The following RORA variants were observed in gnomAD, a reference collection of about 807,000 sequenced individuals.
RORA encodes the protein nuclear receptor ROR-alpha.
In RORA, 7 loss-of-function variants were observed where a neutral mutation model predicts 69.5. The observed-to-expected ratio is 0.10, with a 90% CI of 0.06 to 0.19. RORA has a LOEUF of 0.19. RORA is among the 10% of genes least tolerant of loss of function. The probability of loss-of-function intolerance (pLI) is 1.00; values close to 1 mark genes in which losing one functional copy is unlikely to be tolerated. For missense variants in RORA, 457 were observed against 663.0 expected, an observed-to-expected ratio of 0.69 and a Z score of 3.41; for synonymous variants, 261 against 240.8, an observed-to-expected ratio of 1.08 and a Z score of -0.78.
At chr15:60,509,256 A>G (rs761566192) in intron 5 of RORA, among the ~76,000 whole-genome samples, 10 of 152,238 alleles carry the variant, frequency 6.6e-5, no homozygotes, top group Non-Finnish European at 1.3e-4. Context: ...TTAGAGCCCA[A>G]TTATATACTT....
intron 1 of RORA, among the ~76,000 whole-genome samples, chr15:60,993,263 C>G (rs1330655816): frequency 6.6e-6 from 1 of 152,198 alleles, no homozygotes; most frequent in Non-Finnish European, 1.5e-5. Context: ...TGGGATCTCA[C>G]TGACCTTCAT....
chr15:60,891,731 C>T (rs1324326604), intron 1 of RORA, among the ~76,000 whole-genome samples: 1 of 152,218 alleles, frequency 6.6e-6, no homozygotes, highest in East Asian at 1.9e-4. Flanking sequence ...CTTTACTCCA[C>T]CAAATTATAA....
At chr15:61,132,280 GT>G (rs147318407) in intron 1 of RORA, among the ~76,000 whole-genome samples, 78 of 148,982 alleles carry the variant, frequency 5.2e-4, no homozygotes, top group Admixed American at 1.4e-3. Flanking sequence ...AAATTATTAG[GT>G]TTTTTTTTTA....
At chr15:60,548,837 C>T (rs1271882631) in intron 2 of RORA, among the ~76,000 whole-genome samples, 2 of 152,060 alleles carry the variant, frequency 1.3e-5, no homozygotes, top group Non-Finnish European at 2.9e-5. Context: ...CAGGGTTTCA[C>T]CGTGGTCTCG....
intron 1 of RORA, among the ~76,000 whole-genome samples, chr15:61,044,374 C>T (rs1205454001): frequency 6.6e-6 from 1 of 152,116 alleles, no homozygotes; most frequent in Admixed American, 6.5e-5. Flanking sequence ...TCTGCCGAGT[C>T]GCCCTGTGAT....
chr15:60,505,853 T>G (rs1478815769), intron 5 of RORA, among the ~76,000 whole-genome samples: 1 of 152,178 alleles, frequency 6.6e-6, no homozygotes, highest in Non-Finnish European at 1.5e-5. Flanking sequence ...ACCTGCTGAC[T>G]TCAAAGACCC....
intron 1 of RORA, among the ~76,000 whole-genome samples, chr15:61,068,361 A>T (rs1226731465): frequency 1.3e-5 from 2 of 152,358 alleles, no homozygotes; most frequent in East Asian, 3.9e-4. Flanking sequence ...GTAACATTGT[A>T]TATCTAACCA....
At position 60,608,601 on chromosome 15, in the gene RORA, T is replaced by C. The variant is rs537841315; in HGVS notation, c.196+70056A>G. On this transcript the variant is annotated intron_variant, in intron 2 of 10. Coordinates refer to ENST00000335670, the MANE Select transcript of RORA (RefSeq NM_134261.3). ...TTCCTGTTCCTGAAGAGTTTATATT[T>C]TGAGAAACACAGGTTGGCAAGTGTA... is the stretch of plus-strand genomic sequence containing the variant. 7.9e-5 allele frequency among the ~76,000 whole-genome samples: 12 copies of C among 152,296 alleles called. No individual in the cohort carries two copies. The South Asian group carries it at 2.5e-3, about 32-fold the overall frequency.
chr15:60,540,307 C>T (rs2066821134), intron 2 of RORA, among the ~76,000 whole-genome samples: 1 of 152,168 alleles, frequency 6.6e-6, no homozygotes, highest in East Asian at 1.9e-4. Context: ...GTCTGTTTTT[C>T]ACAACAGAAA....
intron 2 of RORA, among the ~76,000 whole-genome samples, chr15:60,620,910 G>A (rs2069386768): frequency 6.6e-6 from 1 of 152,254 alleles, no homozygotes; most frequent in South Asian, 2.1e-4. Flanking sequence ...GAACGTGGCA[G>A]GAATGATGGA....
chr15:61,099,795 T>C (rs1164114191), intron 1 of RORA, among the ~76,000 whole-genome samples: 1 of 152,218 alleles, frequency 6.6e-6, no homozygotes. Context: ...AACTGGTTTA[T>C]CATGAAATAC....
At chr15:60,910,552 T>G (rs1595810185) in intron 1 of RORA, among the ~76,000 whole-genome samples, 1 of 152,214 alleles carries the variant, frequency 6.6e-6, no homozygotes, top group East Asian at 1.9e-4. Flanking sequence ...TAACACCATC[T>G]ACCTCAAAAC....
intron 2 of RORA, among the ~76,000 whole-genome samples, chr15:60,659,026 G>A (rs571321402): frequency 3.3e-5 from 5 of 152,238 alleles, no homozygotes; most frequent in South Asian, 2.1e-4. Context: ...GGAACATGCC[G>A]CAAACCTGCT....
chr15:60,528,186 G>A (rs113244440), intron 3 of RORA: 1,861 of 152,428 alleles, frequency 0.012, 19 homozygotes, highest in African/African-American at 0.027. Context: ...CTTCCGAGTA[G>A]TTGGGACTTC....
chr15:60,532,319 TCAGTTAC>T (rs1310026111), intron 2 of RORA, among the ~76,000 whole-genome samples: 1 of 42,354 alleles, frequency 2.4e-5, no homozygotes, highest in African/African-American at 9.7e-5. Flanking sequence ...AAAATATTAA[TCAGTTAC>T]ATATGATAAG....
At chr15:60,790,886 G>C (rs2072406631) in intron 1 of RORA, among the ~76,000 whole-genome samples, 1 of 152,076 alleles carries the variant, frequency 6.6e-6, no homozygotes, top group African/African-American at 2.4e-5. Context: ...GGTTACCACA[G>C]GTATTTTCCT....
In RORA at chr15:60,891,054, G is replaced by A. The variant is rs182701829; in HGVS notation, c.167-212368C>T. Among the ~76,000 whole-genome samples the A allele has an allele frequency of 1.1e-4, 17 of 152,284 alleles. No homozygotes were observed. In the Middle Eastern group the frequency reaches 0.014, roughly 122 times the overall value. ...ACACCACAGCTAATGTTCAAAACAGGGGGGAGATGTCTCGGGAAGATCAAG... is the reference window on the plus strand; with the variant it reads ...ACACCACAGCTAATGTTCAAAACAGAGGGGAGATGTCTCGGGAAGATCAAG... On this transcript the variant is annotated intron_variant, in intron 1 of 10. Transcript: ENST00000335670.
intron 1 of RORA, among the ~76,000 whole-genome samples, chr15:61,106,990 C>A (rs2078956707): frequency 6.6e-6 from 1 of 152,168 alleles, no homozygotes; most frequent in Non-Finnish European, 1.5e-5. Flanking sequence ...TCTTGGAATC[C>A]TTCCTCTCCT....
At chr15:60,583,186 A>G (rs1417438366) in intron 2 of RORA, among the ~76,000 whole-genome samples, 2 of 152,230 alleles carry the variant, frequency 1.3e-5, no homozygotes, top group Admixed American at 6.5e-5. Context: ...ACTTTCATCT[A>G]TCCCACCAGA....
Sources: allele counts gnomAD v4.1 joint callset (sites outside exome capture counted in the v4.1 genomes callset), GRCh38; gene constraint gnomAD v4.1.1; transcripts MANE v1.5; gene names NCBI Gene and HGNC (gene_info 2026-07-23, HGNC 2026-07-21).